HSPG2: variants seen among roughly 807,000 people sequenced by gnomAD.
The protein encoded by HSPG2 is heparan sulfate proteoglycan 2.
A neutral mutation model predicts 526.6 loss-of-function variants in HSPG2; 278 were observed. That is an observed-to-expected ratio of 0.53 (90% CI 0.48 to 0.58). The LOEUF (loss-of-function observed/expected upper bound fraction) is 0.58. HSPG2 is among the 20% of genes least tolerant of loss of function. HSPG2 has a pLI of 0.00. For missense variants in HSPG2, 5,354 were observed against 6,099.5 expected, an observed-to-expected ratio of 0.88 and a Z score of 4.07; for synonymous variants, 2,465 against 2,555.4, an observed-to-expected ratio of 0.96 and a Z score of 1.07.
chr1:21,892,879 AAG>A (rs1491352272), intron 3 of HSPG2, among the ~76,000 whole-genome samples: 12 of 149,946 alleles, frequency 8.0e-5, no homozygotes, highest in African/African-American at 2.2e-4. Flanking sequence ...AAAAAAAAAA[AAG>A]AAAAGAAAAG....
At position 21,829,512 on chromosome 1, in the gene HSPG2, C is replaced by G. The variant is rs145155624; in HGVS notation, c.11863G>C (p.Val3955Leu). ...TNTHHELRLD[V>L]EFKPLAPDGV... Reference sequence around the variant, plus strand: ...TCAGGGGCGAGTGGCTTGAACTCCACGTCCAGGCGTAGCTCGTGGTGTGTG... The same window carrying G: ...TCAGGGGCGAGTGGCTTGAACTCCAGGTCCAGGCGTAGCTCGTGGTGTGTG... The change falls in exon 87 of 97, where the codon GTG becomes CTG. Residue 3955 changes from valine to leucine, a missense_variant. By Grantham distance (32) the Val-to-Leu change is conservative (BLOSUM62 1). Transcript: ENST00000374695. 2.8e-5 allele frequency: 45 copies of G among 1,613,060 alleles called. No homozygotes were observed. Among genetic ancestry groups the G allele is most frequent in the Non-Finnish European group, 3.7e-5 (44 of 1,179,868 alleles).
intron 1 of HSPG2, among the ~76,000 whole-genome samples, chr1:21,900,056 AGAACCCAGGTTTCCT>A (rs1256377455): frequency 1.3e-5 from 2 of 152,250 alleles, no homozygotes; most frequent in Admixed American, 1.3e-4. Flanking sequence ...GGTCAGAAAT[AGAACCCAGGTTTCCT>A]GCCCTCCAGC....
intron 1 of HSPG2, among the ~76,000 whole-genome samples, chr1:21,906,503 C>G (rs992453064): frequency 6.6e-6 from 1 of 152,212 alleles, no homozygotes; most frequent in Non-Finnish European, 1.5e-5. Context: ...CAGGGCCAGG[C>G]CCATGGCTGA....
chr1:21,885,577 C>T, intron 9 of HSPG2, 126 bp from the exon 10 acceptor site: 2 of 1,084,870 alleles, frequency 1.8e-6, no homozygotes, highest in South Asian at 2.7e-5. Flanking sequence ...GCCCCTGCTG[C>T]ACAACACTGT....
Position 21,835,118 on chromosome 1 carries a change from AT to A in HSPG2, c.10454-174del, listed in dbSNP as rs2098021055. 2.0e-5 allele frequency: 15 copies of A among 756,410 alleles called. No homozygotes were observed. In the South Asian group the frequency reaches 2.3e-4, roughly 12 times the overall value. The allele number at this position is 756,410 out of a possible 1,614,324, so 46.9% of individuals were successfully genotyped here. Reference sequence around the variant, plus strand: ...CACACTCACTTGTCAGGTCTTATGCATTTACTCACTCACGTGTCCACTTCTT... The same window carrying A: ...CACACTCACTTGTCAGGTCTTATGCATTACTCACTCACGTGTCCACTTCTT... On this transcript the variant is annotated intron_variant, in intron 76 of 96. Coordinates refer to ENST00000374695, the MANE Select transcript of HSPG2 (RefSeq NM_005529.7).
At chr1:21,934,412 G>C (rs550062108) in intron 1 of HSPG2, among the ~76,000 whole-genome samples, 1 of 152,294 alleles carries the variant, frequency 6.6e-6, no homozygotes, top group East Asian at 1.9e-4. Context: ...TCAGAGAGAG[G>C]AACTCGCCCC....
chr1:21,916,491 C>A (rs765649632), intron 1 of HSPG2, among the ~76,000 whole-genome samples: 1 of 151,550 alleles, frequency 6.6e-6, no homozygotes, highest in Non-Finnish European at 1.5e-5. Flanking sequence ...GGCAACAGAG[C>A]GAGACTCTGT....
Position 21,842,306 on chromosome 1 carries a change from G to C in HSPG2, c.8985C>G (p.Ser2995Arg), listed in dbSNP as rs562263180. ...AGGCTTCTTGCTCAGGGCCTGGGCC[G>C]CTGGCTGCACGACACACATACTCGC... ...DSGEYVCRAA[S>R]GPGPEQEASF... Residue 2995 changes from serine (S) to arginine (R), a missense_variant, in exon 68 of 97, where the codon AGC becomes AGG. Ser to Arg is a moderately radical substitution (Grantham distance 110, BLOSUM62 -1). Transcript: ENST00000374695. 2.5e-6 allele frequency: 4 copies of C among 1,613,060 alleles called. No homozygotes were observed. The South Asian group carries it at 3.3e-5, about 13-fold the overall frequency.
intron 1 of HSPG2, among the ~76,000 whole-genome samples, chr1:21,911,217 A>G (rs1643656417): frequency 6.6e-6 from 1 of 152,212 alleles, no homozygotes; most frequent in Admixed American, 6.5e-5. Context: ...CACTAGCCCC[A>G]GCCCCTCCCC....
rs774245859 is a variant in HSPG2 at position 21,880,351 on chromosome 1, C to T, written c.2195+12G>A. 1.3e-5 allele frequency: 21 copies of T among 1,613,936 alleles called. No individual in the cohort carries two copies. Among genetic ancestry groups the T allele is most frequent in the African/African-American group, 4.0e-5 (3 of 74,938 alleles). ...GGGTCTCTGTGGTTCCCAGCCCTGCCGGCTCAGGCACCTGCACTCCTCCAC... is the reference window on the plus strand; with the variant it reads ...GGGTCTCTGTGGTTCCCAGCCCTGCTGGCTCAGGCACCTGCACTCCTCCAC... On this transcript the variant is annotated intron_variant, in intron 16 of 96. Coordinates refer to ENST00000374695, the MANE Select transcript of HSPG2 (RefSeq NM_005529.7).
rs1299966761 is a variant in HSPG2, at chr1:21,833,468, T to A, written c.10977A>T (p.Pro3659=). 3 of 1,614,152 alleles carry A rather than the reference T, an allele frequency of 1.9e-6. No homozygotes were observed. The East Asian group carries it at 6.7e-5, about 36-fold the overall frequency. ...KVKAFAHLQV[P]ERVVPYFTQT... ...CAATTCTTAGGGGTGGTGTCTTACC[T>A]GGCACCTGCAGGTGGGCAAAGGCTT... is the stretch of plus-strand genomic sequence containing the variant. The change falls in exon 79 of 97, where the codon CCA becomes CCT. Residue 3659 remains proline, a splice_region_variant and synonymous_variant. Coordinates refer to ENST00000374695, the MANE Select transcript of HSPG2 (RefSeq NM_005529.7).
At position 21,824,541 on chromosome 1, in the gene HSPG2, C is replaced by T; in HGVS notation, c.12740G>A (p.Gly4247Asp). ...CAGCCGGATACCCACACTCACCACACCCTGCCAGAGCAGGAGGCCACTGGC... is the reference window on the plus strand; with the variant it reads ...CAGCCGGATACCCACACTCACCACATCCTGCCAGAGCAGGAGGCCACTGGC... Reference protein sequence around the residue: ...STASGLLLWQGVEVGEAGQGK... With the variant: ...STASGLLLWQDVEVGEAGQGK... The change falls in exon 93 of 97, where the codon GGT becomes GAT. Residue 4247 changes from glycine to aspartate, a missense_variant. By Grantham distance (94) the Gly-to-Asp change is moderately conservative (BLOSUM62 -1). Transcript: ENST00000374695. The surrounding 1 kb of genome is among the most constrained non-coding windows in gnomAD (Gnocchi z 5.9). 1 of 1,613,520 alleles carries T rather than the reference C, an allele frequency of 6.2e-7. No homozygotes were observed. The highest frequency in any genetic ancestry group is 8.5e-7 in the Non-Finnish European group (1 of 1,179,996).
At position 21,865,860 on chromosome 1, in the gene HSPG2, T is replaced by C. The variant is rs767790131; in HGVS notation, c.4222-51A>G. On this transcript the variant is annotated intron_variant, in intron 33 of 96. Transcript: ENST00000374695. The surrounding 1 kb of genome is among the most constrained non-coding windows in gnomAD (Gnocchi z 5.4). ...ACAGGCTGACCTTGGGGTGTGAGTG[T>C]TGGACCATATAGGTGAGGGATGGAG... The C allele has an allele frequency of 1.9e-5, 26 of 1,398,198 alleles. No homozygotes were observed. The highest frequency in any genetic ancestry group is 1.2e-4 in the South Asian group (10 of 86,886). The allele number at this position is 1,398,198 out of a possible 1,614,324, so 86.6% of individuals were successfully genotyped here.
chr1:21,846,798 G>A (rs551840245), intron 62 of HSPG2, among the ~76,000 whole-genome samples, 199 bp from the exon 63 acceptor site: 30 of 152,310 alleles, frequency 2.0e-4, no homozygotes, highest in Admixed American at 1.8e-3. Flanking sequence ...TCAGGAGTTT[G>A]AGACTAGCCT....
At chr1:21,854,816 T>C (rs1355917907) in intron 48 of HSPG2, 32 bp downstream of exon 48, 2 of 1,612,864 alleles carry the variant, frequency 1.2e-6, no homozygotes, top group Admixed American at 1.7e-5. Flanking sequence ...TGGCTTGCCC[T>C]CCCCACCCCT....
In HSPG2 at chr1:21,823,350, T is replaced by C. The variant is rs1196970137; in HGVS notation, c.13142A>G (p.Gln4381Arg). Residue 4381 changes from glutamine (Q) to arginine (R), a missense_variant, in exon 97 of 97, where the codon CAG becomes CGG. Coordinates refer to ENST00000374695, the MANE Select transcript of HSPG2 (RefSeq NM_005529.7). The stretch of plus-strand genomic sequence containing the variant: ...GCAGGGGCGTGTGTTGGCCCCGGCC[T>C]GGGCGCGGTGCTGCAGGTCCAGGGG... ...PQPLDLQHRA[Q>R]AGANTRPCPS is the part of the protein sequence containing the mutation. The C allele has an allele frequency of 1.9e-6, 3 of 1,543,686 alleles. No homozygotes were observed. Among genetic ancestry groups the C allele is most frequent in the Non-Finnish European group, 2.6e-6 (3 of 1,148,260 alleles).
At chr1:21,827,187 G>A (rs2097979915) in intron 91 of HSPG2, among the ~76,000 whole-genome samples, 1 of 152,014 alleles carries the variant, frequency 6.6e-6, no homozygotes, top group Non-Finnish European at 1.5e-5. Flanking sequence ...CAGCCTGGGT[G>A]AAAGAGCAAG....
At chr1:21,936,493 C>T (rs1249444431) in intron 1 of HSPG2, among the ~76,000 whole-genome samples, 3 of 152,128 alleles carry the variant, frequency 2.0e-5, no homozygotes, top group South Asian at 2.1e-4. Flanking sequence ...ATTTTGAGGC[C>T]GTGCATTTTG....
chr1:21,864,254 C>T lies in HSPG2; in HGVS notation c.4627-41G>A. 1.3e-6 allele frequency: 2 copies of T among 1,489,994 alleles called. No individual in the cohort carries two copies. The highest frequency in any genetic ancestry group is 1.2e-5 in the South Asian group (1 of 82,802). The allele number at this position is 1,489,994 out of a possible 1,614,324, so 92.3% of individuals were successfully genotyped here. A position where few individuals can be genotyped will look rare whatever the true frequency, so the allele number is the denominator to read the frequency against. Reference sequence around the variant, plus strand: ...AAGGTTGGCCTCTGTTCCCAACGTGCCCCACCCACAGCCAGCAGACCCAGA... The same window carrying T: ...AAGGTTGGCCTCTGTTCCCAACGTGTCCCACCCACAGCCAGCAGACCCAGA... On this transcript the variant is annotated intron_variant, in intron 36 of 96. Transcript: ENST00000374695. This position sits in a 1 kb window ranked among gnomAD's most constrained non-coding sequence, Gnocchi z 4.8.
Sources: allele counts gnomAD v4.1 joint callset (sites outside exome capture counted in the v4.1 genomes callset), GRCh38; gene constraint gnomAD v4.1.1; non-coding constraint Gnocchi (gnomAD v3.1); transcripts MANE v1.5; gene names NCBI Gene and HGNC (gene_info 2026-07-23, HGNC 2026-07-21).